Variants in AGBL4 observed in about 807,000 individuals in gnomAD.
AGBL4 encodes the protein AGBL carboxypeptidase 4.
In AGBL4, 58 loss-of-function variants were observed where a neutral mutation model predicts 66.4. That is an observed-to-expected ratio of 0.87 (90% CI 0.71 to 1.09). The LOEUF is 1.09. Among genes scored for constraint, AGBL4 ranks in the 50% least tolerant of loss-of-function variants. The probability of loss-of-function intolerance (pLI) is 0.00; values close to 1 mark genes in which losing one functional copy is unlikely to be tolerated. For missense variants in AGBL4, 579 were observed against 631.0 expected (o/e 0.92, Z 0.88); for synonymous variants, 234 against 222.9 (o/e 1.05, Z -0.44).
chr1:48,887,868 G>T lies in AGBL4; in HGVS notation c.595-20638C>A, dbSNP rs536779738. Reference sequence around the variant, plus strand: ...CTCCTTGAGGACCTATCTCCTCTCTGTGTTCCTAGAATCTGGCAAAGGGCC... The same window carrying T: ...CTCCTTGAGGACCTATCTCCTCTCTTTGTTCCTAGAATCTGGCAAAGGGCC... On this transcript the variant is annotated intron_variant, in intron 5 of 13. Transcript: ENST00000371839. Among the ~76,000 whole-genome samples, 8 of 152,274 alleles carry T rather than the reference G, an allele frequency of 5.3e-5. No individual in the cohort carries two copies. In the East Asian group the frequency reaches 1.5e-3, roughly 29 times the overall value.
chr1:49,237,515 TATATATATATATATATATATA>T lies in AGBL4; in HGVS notation c.377+8234_377+8254del, dbSNP rs1650865625. 5.0e-4 allele frequency among the ~76,000 whole-genome samples: 68 copies of T among 136,666 alleles called. 2 individuals are homozygous for T. Among genetic ancestry groups the T allele is most frequent in the African/African-American group, 2.0e-3 (66 of 33,062 alleles). 89.7% of individuals were successfully genotyped at this position (136,666 alleles called of 152,430 possible). ...CCTTTTTTTCCTCAATATTACATTA[TATATATATATATATATATATA>T]TATATATATATATATATATATATAT... On this transcript the variant is annotated intron_variant, in intron 4 of 13. Coordinates refer to ENST00000371839, the MANE Select transcript of AGBL4 (RefSeq NM_032785.4).
At chr1:49,511,320 T>C (rs1349606791) in intron 3 of AGBL4, among the ~76,000 whole-genome samples, 2 of 151,014 alleles carry the variant, frequency 1.3e-5, no homozygotes, top group African/African-American at 2.4e-5. Flanking sequence ...ACGGATGAAA[T>C]TGGAAATCAT....
intron 11 of AGBL4, among the ~76,000 whole-genome samples, chr1:48,568,854 A>T (rs1266071472): frequency 6.6e-6 from 1 of 152,158 alleles, no homozygotes; most frequent in African/African-American, 2.4e-5. Context: ...TACTCTTATT[A>T]ATAGTAATGT....
chr1:49,547,439 T>G (rs1652582219), intron 3 of AGBL4, among the ~76,000 whole-genome samples: 1 of 152,222 alleles, frequency 6.6e-6, no homozygotes, highest in African/African-American at 2.4e-5. Context: ...GGTAGTGTGA[T>G]GCTTCCAGAT....
At chr1:49,379,092 T>C (rs1644534535) in intron 3 of AGBL4, among the ~76,000 whole-genome samples, 1 of 152,050 alleles carries the variant, frequency 6.6e-6, no homozygotes, top group Admixed American at 6.6e-5. Context: ...TGCCCTAGTA[T>C]AGTGTGGAAG....
chr1:48,879,542 CTAACA>C (rs893743104), intron 5 of AGBL4, among the ~76,000 whole-genome samples: 4 of 152,074 alleles, frequency 2.6e-5, no homozygotes, highest in African/African-American at 9.7e-5. Flanking sequence ...CCTAACTTTC[CTAACA>C]TATTTTAATT....
chr1:49,325,198 T>C lies in AGBL4; in HGVS notation c.283-79334A>G, dbSNP rs563436030. 3.3e-5 allele frequency among the ~76,000 whole-genome samples: 5 copies of C among 152,320 alleles called. No individual in the cohort carries two copies. In the East Asian group the frequency reaches 9.7e-4, roughly 29 times the overall value. The stretch of plus-strand genomic sequence containing the variant: ...CCACCACGCCCAGCTAATTTCTTTT[T>C]GTATTTTTGGTAGAGACGGGTTTTC... On this transcript the variant is annotated intron_variant, in intron 3 of 13. Coordinates refer to ENST00000371839, the MANE Select transcript of AGBL4 (RefSeq NM_032785.4).
At chr1:49,839,746 T>G (rs1645942358) in intron 2 of AGBL4, among the ~76,000 whole-genome samples, 1 of 152,216 alleles carries the variant, frequency 6.6e-6, no homozygotes, top group South Asian at 2.1e-4. Context: ...TTAAAACAGT[T>G]GTGAGATATT....
chr1:48,709,938 C>T (rs996628657), intron 6 of AGBL4, among the ~76,000 whole-genome samples: 1 of 152,064 alleles, frequency 6.6e-6, no homozygotes, highest in East Asian at 1.9e-4. Flanking sequence ...AATAATTAAC[C>T]AATTGAATCT....
intron 5 of AGBL4, among the ~76,000 whole-genome samples, chr1:48,885,450 A>G (rs532080548): frequency 1.1e-4 from 16 of 152,290 alleles, no homozygotes; most frequent in Non-Finnish European, 2.1e-4. Context: ...CCAACAGCCA[A>G]CTTGAAGGCA....
intron 2 of AGBL4, among the ~76,000 whole-genome samples, chr1:49,832,367 G>A (rs910265749): frequency 1.1e-4 from 16 of 150,376 alleles, no homozygotes; most frequent in South Asian, 4.3e-4. Flanking sequence ...TGGTGTATAT[G>A]TGCCACATTT....
At chr1:49,944,440 C>T (rs1011567974) in intron 1 of AGBL4, among the ~76,000 whole-genome samples, 4 of 151,962 alleles carry the variant, frequency 2.6e-5, no homozygotes, top group African/African-American at 9.7e-5. Context: ...CTGCTGGTTG[C>T]CTAGATCAAG....
chr1:49,203,329 C>T (rs1240372101), intron 4 of AGBL4, among the ~76,000 whole-genome samples: 2 of 152,046 alleles, frequency 1.3e-5, no homozygotes, highest in African/African-American at 4.8e-5. Context: ...ACCACATTCA[C>T]TGCAGCACTA....
intron 4 of AGBL4, among the ~76,000 whole-genome samples, chr1:49,120,475 T>C (rs568976860): frequency 2.0e-5 from 3 of 152,316 alleles, no homozygotes; most frequent in Admixed American, 1.3e-4. Context: ...AAGTCTTTTC[T>C]TGAAAAAAGT....
intron 3 of AGBL4, among the ~76,000 whole-genome samples, chr1:49,539,652 A>G (rs1199568280): frequency 1.3e-5 from 2 of 152,162 alleles, no homozygotes; most frequent in African/African-American, 4.8e-5. Context: ...GGAGCCGCAT[A>G]TTTATATACA....
intron 9 of AGBL4, among the ~76,000 whole-genome samples, chr1:48,594,481 C>T (rs575579164): frequency 6.6e-5 from 10 of 151,906 alleles, no homozygotes; most frequent in Non-Finnish European, 1.3e-4. Context: ...AGAAATTAAC[C>T]TTTATGTGTA....
chr1:49,707,367 C>CTTTTTTTTTTTT (rs34368394), intron 2 of AGBL4, among the ~76,000 whole-genome samples: 86 of 76,220 alleles, frequency 1.1e-3, no homozygotes, highest in East Asian at 2.5e-3. Flanking sequence ...GCAACCCCTG[C>CTTTTTTTTTTTT]TTTTTTTTTT....
At chr1:49,874,150 G>A (rs1308558233) in intron 1 of AGBL4, among the ~76,000 whole-genome samples, 1 of 151,878 alleles carries the variant, frequency 6.6e-6, no homozygotes, top group African/African-American at 2.4e-5. Context: ...TAGAAAAACT[G>A]AACATCTTTT....
At chr1:49,123,333 A>G (rs926610027) in intron 4 of AGBL4, among the ~76,000 whole-genome samples, 1 of 152,336 alleles carries the variant, frequency 6.6e-6, no homozygotes, top group East Asian at 1.9e-4. Flanking sequence ...ATTTGTGGTT[A>G]GTAAATTATA....
Sources: allele counts gnomAD v4.1 joint callset (sites outside exome capture counted in the v4.1 genomes callset), GRCh38; gene constraint gnomAD v4.1.1; transcripts MANE v1.5; gene names NCBI Gene and HGNC (gene_info 2026-07-23, HGNC 2026-07-21).